Variants in MAP2K1 observed in about 807,000 individuals in gnomAD.
MAP2K1 encodes mitogen-activated protein kinase kinase 1, also known as dual specificity mitogen-activated protein kinase kinase 1.
Under a neutral mutation model 46.3 loss-of-function variants are expected in MAP2K1, and 16 were observed. The ratio of observed to expected loss-of-function variants is 0.35; its 90% confidence interval spans 0.23 to 0.52. The LOEUF is 0.52. Among genes scored for constraint, MAP2K1 ranks in the 20% least tolerant of loss-of-function variants. The probability of loss-of-function intolerance (pLI) is 0.94; values close to 1 mark genes in which losing one functional copy is unlikely to be tolerated. For synonymous variants in MAP2K1, 183 were observed against 185.6 expected (o/e 0.99, Z 0.11); for missense variants, 263 against 497.1 (o/e 0.53, Z 4.48).
At chr15:66,407,166 A>T (rs74019596) in intron 1 of MAP2K1, among the ~76,000 whole-genome samples, 43 of 152,268 alleles carry the variant, frequency 2.8e-4, no homozygotes, top group African/African-American at 1.0e-3. Context: ...GAAAGTTGGG[A>T]ATAGGCTTCT....
intron 1 of MAP2K1, among the ~76,000 whole-genome samples, chr15:66,413,495 C>G (rs1257459480): frequency 6.6e-6 from 1 of 152,020 alleles, no homozygotes; most frequent in Non-Finnish European, 1.5e-5. Flanking sequence ...AATACTAAAA[C>G]AAATTATGAA....
intron 5 of MAP2K1, among the ~76,000 whole-genome samples, chr15:66,464,756 AC>A (rs748414094): frequency 6.6e-6 from 1 of 151,372 alleles, no homozygotes; most frequent in African/African-American, 2.4e-5. Context: ...CGAACTCCCA[AC>A]CTCAGGTGAA....
At chr15:66,406,417 A>G (rs893946266) in intron 1 of MAP2K1, among the ~76,000 whole-genome samples, 2 of 152,348 alleles carry the variant, frequency 1.3e-5, no homozygotes, top group Non-Finnish European at 2.9e-5. Context: ...TCTAAATGAC[A>G]GTCTGAAGTG....
At chr15:66,427,985 G>T (rs2093463665) in intron 1 of MAP2K1, among the ~76,000 whole-genome samples, 1 of 152,116 alleles carries the variant, frequency 6.6e-6, no homozygotes. Flanking sequence ...TTGCATTCCA[G>T]CCTAGGCAAC....
At chr15:66,475,365 T>C (rs566639732) in intron 5 of MAP2K1, among the ~76,000 whole-genome samples, 19 of 152,304 alleles carry the variant, frequency 1.2e-4, no homozygotes, top group African/African-American at 4.3e-4. Context: ...TAAAATCCTT[T>C]AACTGTTGCT....
At chr15:66,478,500 A>ATATATATTT (rs1448872183) in intron 5 of MAP2K1, among the ~76,000 whole-genome samples, 1 of 145,006 alleles carries the variant, frequency 6.9e-6, no homozygotes, top group East Asian at 2.0e-4. Flanking sequence ...AGGTATATAT[A>ATATATATTT]TATATATTTT....
chr15:66,478,312 A>AG (rs1892811616), intron 5 of MAP2K1, among the ~76,000 whole-genome samples: 1 of 146,220 alleles, frequency 6.8e-6, no homozygotes, highest in African/African-American at 2.5e-5. Context: ...GTATATATAT[A>AG]GTATATATAT....
At chr15:66,389,408 C>A (rs1394070278) in intron 1 of MAP2K1, among the ~76,000 whole-genome samples, 1 of 152,102 alleles carries the variant, frequency 6.6e-6, no homozygotes, top group Non-Finnish European at 1.5e-5. Context: ...CAACTGTATT[C>A]TCTCAAGGAG....
At chr15:66,417,687 T>TC (rs2093427880) in intron 1 of MAP2K1, among the ~76,000 whole-genome samples, 1 of 152,180 alleles carries the variant, frequency 6.6e-6, no homozygotes, top group Non-Finnish European at 1.5e-5. Flanking sequence ...TAGGGTTTTT[T>TC]CCCAGAGGTG....
At chr15:66,417,572 C>A (rs561367591) in intron 1 of MAP2K1, among the ~76,000 whole-genome samples, 1 of 152,158 alleles carries the variant, frequency 6.6e-6, no homozygotes, top group African/African-American at 2.4e-5. Flanking sequence ...GAGACCCTGT[C>A]TCAAAAAAAC....
chr15:66,421,093 T>TACACACAC (rs71454561), intron 1 of MAP2K1, among the ~76,000 whole-genome samples: 126 of 128,834 alleles, frequency 9.8e-4, no homozygotes, highest in African/African-American at 3.2e-3. Flanking sequence ...TACACACACA[T>TACACACAC]ACACACACAC....
chr15:66,484,571 CA>C (rs1360422583), intron 6 of MAP2K1, among the ~76,000 whole-genome samples: 1 of 152,188 alleles, frequency 6.6e-6, no homozygotes, highest in African/African-American at 2.4e-5. Flanking sequence ...GTATCCACGG[CA>C]CCACCTCACT....
chr15:66,464,293 A>ATCT (rs1892406345), intron 5 of MAP2K1, among the ~76,000 whole-genome samples: 1 of 152,130 alleles, frequency 6.6e-6, no homozygotes, highest in African/African-American at 2.4e-5. Context: ...AGGGGGAGAA[A>ATCT]GGGAGAAAAA....
intron 7 of MAP2K1, 51 bp from the exon 8 acceptor site, chr15:66,487,177 A>C: frequency 6.6e-7 from 1 of 1,522,416 alleles, no homozygotes. Context: ...GCCTCATATT[A>C]ACAAGTAATC....
intron 1 of MAP2K1, among the ~76,000 whole-genome samples, chr15:66,389,147 C>T (rs1333160320): frequency 6.6e-6 from 1 of 151,688 alleles, no homozygotes; most frequent in Non-Finnish European, 1.5e-5. Flanking sequence ...CTCAGGTGAT[C>T]CACCTGCCTC....
intron 5 of MAP2K1, among the ~76,000 whole-genome samples, chr15:66,472,279 G>A (rs1459116187): frequency 6.7e-6 from 1 of 149,832 alleles, no homozygotes; most frequent in African/African-American, 2.5e-5. Context: ...ACTCCAGCCT[G>A]GGCGACAGTG....
At chr15:66,419,209 A>G (rs1456884850) in intron 1 of MAP2K1, among the ~76,000 whole-genome samples, 3 of 150,490 alleles carry the variant, frequency 2.0e-5, no homozygotes, top group African/African-American at 7.4e-5. Flanking sequence ...TTGTACTTCT[A>G]CAGAAGCCTG....
Position 66,387,355 on chromosome 15 carries a change from A to C in MAP2K1, c.8A>C (p.Lys3Thr). 1 of 1,562,788 alleles carries C rather than the reference A, an allele frequency of 6.4e-7. No homozygotes were observed. The highest frequency in any genetic ancestry group is 8.7e-7 in the Non-Finnish European group (1 of 1,152,940). MP[K>T]KKPTPIQLNP... is the part of the protein sequence containing the mutation. Reference sequence around the variant, plus strand: ...GCGTTACCCGGGTCCAAAATGCCCAAGAAGAAGCCGACGCCCATCCAGCTG... The same window carrying C: ...GCGTTACCCGGGTCCAAAATGCCCACGAAGAAGCCGACGCCCATCCAGCTG... Residue 3 changes from lysine (K) to threonine (T), a missense_variant, in exon 1 of 11, where the codon AAG (lysine) becomes ACG (threonine). Transcript: ENST00000307102.
At chr15:66,430,287 G>T (rs553482864) in intron 1 of MAP2K1, among the ~76,000 whole-genome samples, 1 of 152,120 alleles carries the variant, frequency 6.6e-6, no homozygotes, top group South Asian at 2.1e-4. Flanking sequence ...CAACTCCCTG[G>T]GCTCTCTGGT....
Sources: allele counts gnomAD v4.1 joint callset (sites outside exome capture counted in the v4.1 genomes callset), GRCh38; gene constraint gnomAD v4.1.1; transcripts MANE v1.5; gene names NCBI Gene and HGNC (gene_info 2026-07-23, HGNC 2026-07-21).